ZNRF3: variants seen among roughly 807,000 people sequenced by gnomAD.
ZNRF3 encodes the protein E3 ubiquitin-protein ligase ZNRF3.
Under a neutral mutation model 72.5 loss-of-function variants are expected in ZNRF3, and 23 were observed. The ratio of observed to expected loss-of-function variants is 0.32; its 90% CI spans 0.23 to 0.45. ZNRF3 has a LOEUF of 0.45. Among genes scored for constraint, ZNRF3 ranks in the 20% least tolerant of loss-of-function variants. ZNRF3 has a pLI of 1.00. For missense variants in ZNRF3, 1,169 were observed against 1,272.1 expected (o/e 0.92, Z 1.23); for synonymous variants, 610 against 545.3 (o/e 1.12, Z -1.65).
chr22:28,906,303 G>C (rs1268653829), intron 1 of ZNRF3, among the ~76,000 whole-genome samples: 4 of 152,226 alleles, frequency 2.6e-5, no homozygotes, highest in African/African-American at 9.6e-5. Context: ...CTCCAGCCTA[G>C]GTGACAGTGA....
Position 29,049,776 on chromosome 22 carries a change from A to G in ZNRF3, c.1595A>G (p.Tyr532Cys). The change falls in exon 8 of 9, where the codon TAT (tyrosine) becomes TGT (cysteine). Residue 532 changes from tyrosine (Y) to cysteine (C), a missense_variant. Around this residue, in one of 2 missense-constraint regions of ZNRF3, gnomAD observed 783 missense variants for 731.4 expected, o/e 1.07. Coordinates refer to ENST00000544604, the MANE Select transcript of ZNRF3 (RefSeq NM_001206998.2). This position sits in a 1 kb window ranked among gnomAD's most constrained non-coding sequence, Gnocchi z 5.2. ...GGCAGCACGTCCAGCTTCAGCTGCTATCACGGCCACCGCTCGGTGTGCAGT... is the reference window on the plus strand; with the variant it reads ...GGCAGCACGTCCAGCTTCAGCTGCTGTCACGGCCACCGCTCGGTGTGCAGT... ...ESGSTSSFSC[Y>C]HGHRSVCSGY... The G allele has an allele frequency of 6.3e-7, 1 of 1,599,228 alleles. No homozygotes were observed. The highest frequency in any genetic ancestry group is 8.5e-7 in the Non-Finnish European group (1 of 1,171,176).
chr22:28,937,211 ATATATTTTTT>A (rs2034851527), intron 1 of ZNRF3, among the ~76,000 whole-genome samples: 1 of 3,260 alleles, frequency 3.1e-4, no homozygotes, highest in South Asian at 0.019. Flanking sequence ...ATATATATAT[ATATATTTTTT>A]TTTTTTTTTT....
rs371841167 is a variant in ZNRF3 at position 29,044,780 on chromosome 22, C to A, written c.634C>A (p.Gln212Lys). ...RARIQHRPPR[Q>K]PTEYFDMGIF... ...TCACTGTGTCTGTGTTCCGTTCCAG[C>A]AACCCACTGAATACTTTGACATGGG... The change falls in exon 5 of 9, where the codon CAA (glutamine) becomes AAA (lysine). Residue 212 changes from glutamine (Q) to lysine (K), a missense_variant and splice_region_variant. By Grantham distance (53) the Gln-to-Lys change is moderately conservative. Transcript: ENST00000544604. 1.5e-4 allele frequency: 239 copies of A among 1,610,972 alleles called. 1 individual carries two copies. The highest frequency in any genetic ancestry group is 1.9e-4 in the Non-Finnish European group (223 of 1,177,242).
At chr22:28,926,324 A>G (rs2034599580) in intron 1 of ZNRF3, among the ~76,000 whole-genome samples, 2 of 152,056 alleles carry the variant, frequency 1.3e-5, no homozygotes, top group Non-Finnish European at 1.5e-5. Context: ...AAAAATCTCT[A>G]AACAGTATTT....
intron 1 of ZNRF3, among the ~76,000 whole-genome samples, chr22:28,886,957 A>AAAACAAAC (rs375323604): frequency 6.6e-6 from 1 of 152,122 alleles, no homozygotes; most frequent in African/African-American, 2.4e-5. Context: ...CACTCTCTCA[A>AAAACAAAC]AAACAAACAA....
At chr22:28,899,789 A>G (rs2034070544) in intron 1 of ZNRF3, among the ~76,000 whole-genome samples, 1 of 151,336 alleles carries the variant, frequency 6.6e-6, no homozygotes, top group Admixed American at 6.6e-5. Flanking sequence ...TCCTAGGCTC[A>G]AACGATCCTC....
At chr22:29,053,492 C>A in intron 8 of ZNRF3, 87 bp from the exon 9 acceptor site, 1 of 1,348,496 alleles carries the variant, frequency 7.4e-7, no homozygotes, top group Non-Finnish European at 1.0e-6. Flanking sequence ...CTGCCACATG[C>A]TGGGGACAGG....
chr22:29,010,917 C>T (rs1367415643), intron 2 of ZNRF3, among the ~76,000 whole-genome samples: 1 of 152,220 alleles, frequency 6.6e-6, no homozygotes, highest in African/African-American at 2.4e-5. Context: ...GATCCACCCG[C>T]CTCAGCCTCC....
chr22:29,030,666 G>A lies in ZNRF3; in HGVS notation c.427-11829G>A, dbSNP rs1269416431. Among the ~76,000 whole-genome samples the A allele has an allele frequency of 6.6e-6, 1 of 151,756 alleles. No individual in the cohort carries two copies. Among genetic ancestry groups the A allele is most frequent in the Non-Finnish European group, 1.5e-5 (1 of 67,926 alleles). Reference sequence around the variant, plus strand: ...TTTCCCGGGTCGGAGAAGGCCGGATGGCAGCCCGCCCCGAAAGTCCCGGCC... The same window carrying A: ...TTTCCCGGGTCGGAGAAGGCCGGATAGCAGCCCGCCCCGAAAGTCCCGGCC... On this transcript the variant is annotated intron_variant, in intron 2 of 8. Transcript: ENST00000544604. This position sits in a 1 kb window ranked among gnomAD's most constrained non-coding sequence, Gnocchi z 4.2.
intron 2 of ZNRF3, among the ~76,000 whole-genome samples, chr22:29,007,521 T>C (rs1439686451): frequency 5.3e-5 from 8 of 151,792 alleles, no homozygotes; most frequent in Non-Finnish European, 1.0e-4. Flanking sequence ...CACCCACTTA[T>C]AGTGCAGCTA....
chr22:28,949,353 C>T (rs996422394), intron 1 of ZNRF3, among the ~76,000 whole-genome samples: 1 of 152,330 alleles, frequency 6.6e-6, no homozygotes, highest in African/African-American at 2.4e-5. Context: ...AGGCTCACTG[C>T]AGCCTCTACC....
intron 2 of ZNRF3, among the ~76,000 whole-genome samples, chr22:28,988,333 G>A (rs1000541103): frequency 2.0e-5 from 3 of 152,092 alleles, no homozygotes; most frequent in Non-Finnish European, 4.4e-5. Flanking sequence ...AGAGACAAGG[G>A]GTGGTTTTGA....
At chr22:29,009,255 A>G (rs1052931937) in intron 2 of ZNRF3, among the ~76,000 whole-genome samples, 1 of 152,158 alleles carries the variant, frequency 6.6e-6, no homozygotes, top group Non-Finnish European at 1.5e-5. Context: ...CCAAGAAGGA[A>G]ATTCCAGCAG....
At chr22:28,966,756 TTA>T (rs2035470258) in intron 1 of ZNRF3, among the ~76,000 whole-genome samples, 1 of 152,118 alleles carries the variant, frequency 6.6e-6, no homozygotes, top group African/African-American at 2.4e-5. Context: ...AAAATTAAGT[TTA>T]TAAAGTAAAA....
intron 2 of ZNRF3, among the ~76,000 whole-genome samples, chr22:29,004,274 C>T (rs891351529): frequency 1.1e-4 from 17 of 152,206 alleles, no homozygotes; most frequent in Non-Finnish European, 1.9e-4. Context: ...ATCTTTCCTC[C>T]TTAACAGACT....
chr22:29,035,276 T>C lies in ZNRF3; in HGVS notation c.427-7219T>C, dbSNP rs369993572. On this transcript the variant is annotated intron_variant, in intron 2 of 8. Transcript: ENST00000544604. ...TTATGTATAGGACATCTATACCCTT[T>C]GACTCAGCAGAACCACTCATGGCTA... 9.8e-5 allele frequency among the ~76,000 whole-genome samples: 15 copies of C among 152,310 alleles called. No homozygotes were observed. The East Asian group carries it at 2.1e-3, about 22-fold the overall frequency.
At chr22:28,979,646 T>C (rs572620569) in intron 1 of ZNRF3, among the ~76,000 whole-genome samples, 1 of 152,348 alleles carries the variant, frequency 6.6e-6, no homozygotes, top group African/African-American at 2.4e-5. Context: ...CCCTGGTCCC[T>C]CACTTAGCAG....
intron 2 of ZNRF3, among the ~76,000 whole-genome samples, chr22:29,008,123 A>G (rs532256373): frequency 3.0e-4 from 45 of 152,256 alleles, no homozygotes; most frequent in Admixed American, 7.2e-4. Flanking sequence ...TGTATGCTCA[A>G]TGAGGAAGGA....
chr22:28,973,426 C>T (rs2035611339), intron 1 of ZNRF3, among the ~76,000 whole-genome samples: 1 of 152,308 alleles, frequency 6.6e-6, no homozygotes, highest in South Asian at 2.1e-4. Flanking sequence ...ACATGGGCCT[C>T]TTTGTATCTG....
Sources: gnomAD v4.1 joint callset for allele counts (sites outside exome capture counted in the v4.1 genomes callset) on GRCh38, gnomAD v4.1.1 for gene constraint, gnomAD v4.1.1 regional missense constraint, Gnocchi (gnomAD v3.1) non-coding constraint, MANE v1.5 for transcripts, NCBI Gene and HGNC (gene_info 2026-07-23, HGNC 2026-07-21) for gene names.